The following TMEFF2 variants were observed in gnomAD, a reference collection of about 807,000 sequenced individuals.
The protein encoded by TMEFF2 is tomoregulin-2.
TMEFF2 carries 28 observed loss-of-function variants against 53.8 expected under a neutral mutation model. That is an observed-to-expected ratio of 0.52 (90% CI 0.39 to 0.71). TMEFF2 has a LOEUF of 0.71. Ranked by LOEUF, TMEFF2 falls within the 30% of genes least tolerant of loss-of-function variation. The pLI, the probability that TMEFF2 is intolerant of heterozygous loss-of-function variation, is 0.00. For missense variants in TMEFF2, 353 were observed against 455.2 expected, an observed-to-expected ratio of 0.78 and a Z score of 2.04; for synonymous variants, 162 against 166.3, an observed-to-expected ratio of 0.97 and a Z score of 0.20.
chr2:192,087,344 G>C (rs893020269), intron 4 of TMEFF2, among the ~76,000 whole-genome samples: 6 of 152,062 alleles, frequency 3.9e-5, no homozygotes, highest in African/African-American at 1.4e-4. Context: ...AAGTTGGAGG[G>C]AAGACAACAT....
intron 5 of TMEFF2, among the ~76,000 whole-genome samples, chr2:192,037,626 G>GAAAGA (rs1559096876): frequency 1.3e-5 from 1 of 74,938 alleles, no homozygotes; most frequent in Admixed American, 1.8e-4. Flanking sequence ...AAGAGAGAGA[G>GAAAGA]GAGAGAAAGA....
intron 4 of TMEFF2, among the ~76,000 whole-genome samples, chr2:192,139,497 G>A (rs913899867): frequency 1.3e-5 from 2 of 152,138 alleles, no homozygotes; most frequent in Non-Finnish European, 2.9e-5. Flanking sequence ...ACATTTGAAA[G>A]GTGAAACAAA....
intron 4 of TMEFF2, among the ~76,000 whole-genome samples, chr2:192,132,442 C>G (rs1210622266): frequency 9.9e-5 from 15 of 152,102 alleles, no homozygotes; most frequent in Middle Eastern, 3.4e-3. Context: ...ATCTCATTCT[C>G]AATATACATT....
At chr2:192,166,185 C>T (rs577402744) in intron 4 of TMEFF2, among the ~76,000 whole-genome samples, 39 of 152,120 alleles carry the variant, frequency 2.6e-4, no homozygotes, top group Non-Finnish European at 5.4e-4. Context: ...TCTCCCTTTC[C>T]AAGCATTGAC....
At chr2:192,092,541 C>A (rs1688813822) in intron 4 of TMEFF2, among the ~76,000 whole-genome samples, 1 of 151,996 alleles carries the variant, frequency 6.6e-6, no homozygotes, top group Non-Finnish European at 1.5e-5. Flanking sequence ...TTGTATTGAA[C>A]GCTATAGTAG....
intron 5 of TMEFF2, among the ~76,000 whole-genome samples, chr2:192,001,383 T>C (rs1559079557): frequency 6.6e-6 from 1 of 152,086 alleles, no homozygotes; most frequent in South Asian, 2.1e-4. Flanking sequence ...TTTATGTTTT[T>C]GTAAATGTTT....
rs1355696036 is a variant in TMEFF2, at chr2:192,194,178, C to T, written c.172+175G>A. Among the ~76,000 whole-genome samples, 1 of 152,168 alleles carries T rather than the reference C, an allele frequency of 6.6e-6. No individual in the cohort carries two copies. Among genetic ancestry groups the T allele is most frequent in the Admixed American group, 6.5e-5 (1 of 15,276 alleles). ...CTGCCCATCCCAGAACCACCCCTCA[C>T]CCCCGGGCCTGCAACAGTTCCCCTT... On this transcript the variant is annotated intron_variant, in intron 1 of 9. Coordinates refer to ENST00000272771, the MANE Select transcript of TMEFF2 (RefSeq NM_016192.4). The surrounding 1 kb of genome is among the most constrained non-coding windows in gnomAD (Gnocchi z 4.2).
chr2:191,983,238 T>C (rs1685896992), intron 7 of TMEFF2, among the ~76,000 whole-genome samples: 1 of 152,180 alleles, frequency 6.6e-6, no homozygotes, highest in South Asian at 2.1e-4. Flanking sequence ...AGTGGAAGGA[T>C]GTTTGCACAT....
At chr2:192,118,859 T>A (rs1230288419) in intron 4 of TMEFF2, among the ~76,000 whole-genome samples, 1 of 152,196 alleles carries the variant, frequency 6.6e-6, no homozygotes, top group Non-Finnish European at 1.5e-5. Context: ...CAGAAAGTAA[T>A]TCACATACAT....
intron 7 of TMEFF2, among the ~76,000 whole-genome samples, chr2:191,996,705 T>G (rs529690513): frequency 1.1e-4 from 16 of 152,092 alleles, no homozygotes; most frequent in African/African-American, 3.4e-4. Context: ...CATAATTTTA[T>G]TAGGTATGAT....
At chr2:192,192,599 AC>A (rs1322929400) in intron 1 of TMEFF2, among the ~76,000 whole-genome samples, 2 of 152,164 alleles carry the variant, frequency 1.3e-5, no homozygotes, top group African/African-American at 4.8e-5. Context: ...GTTCTTGACA[AC>A]CTATCTGCAA....
chr2:192,067,133 G>C (rs572489064), intron 4 of TMEFF2, among the ~76,000 whole-genome samples: 12 of 151,876 alleles, frequency 7.9e-5, no homozygotes, highest in Admixed American at 1.3e-4. Flanking sequence ...ATCATTACTT[G>C]GATAAAAATG....
chr2:192,143,381 C>T (rs1264314268), intron 4 of TMEFF2, among the ~76,000 whole-genome samples: 1 of 152,080 alleles, frequency 6.6e-6, no homozygotes, highest in Non-Finnish European at 1.5e-5. Flanking sequence ...CGGGCTATTG[C>T]ATCCTCTTTG....
At chr2:192,052,744 A>G (rs554982943) in intron 5 of TMEFF2, among the ~76,000 whole-genome samples, 8 of 152,280 alleles carry the variant, frequency 5.3e-5, no homozygotes, top group African/African-American at 1.9e-4. Flanking sequence ...AAGAGAAATG[A>G]TATTTTAATC....
chr2:192,004,610 G>A (rs559975679), intron 5 of TMEFF2, among the ~76,000 whole-genome samples: 10 of 152,082 alleles, frequency 6.6e-5, no homozygotes, highest in South Asian at 4.2e-4. Context: ...GTGAGACCCC[G>A]TCTCTAAATA....
intron 5 of TMEFF2, among the ~76,000 whole-genome samples, chr2:192,042,288 T>C (rs1687504618): frequency 6.6e-6 from 1 of 152,110 alleles, no homozygotes; most frequent in Non-Finnish European, 1.5e-5. Context: ...AAATATGACA[T>C]AGAGACATGA....
intron 7 of TMEFF2, among the ~76,000 whole-genome samples, chr2:191,984,063 T>C (rs916802021): frequency 2.0e-5 from 3 of 152,220 alleles, no homozygotes; most frequent in African/African-American, 7.2e-5. Context: ...GAAAATATTA[T>C]GTTAATTAAA....
At position 191,975,673 on chromosome 2, in the gene TMEFF2, G is replaced by GT. The variant is rs1685705023; in HGVS notation, c.746-19296dup. On this transcript the variant is annotated intron_variant, in intron 7 of 9. Transcript: ENST00000272771. Reference sequence around the variant, plus strand: ...TACTGTGTCCTGGCTGTGGCTAGCAGTGACAAGACTGTCTTTTGAGGGCGC... The same window carrying GT: ...TACTGTGTCCTGGCTGTGGCTAGCAGTTGACAAGACTGTCTTTTGAGGGCGC... 2.0e-5 allele frequency among the ~76,000 whole-genome samples: 3 copies of GT among 152,234 alleles called. No homozygotes were observed. In the South Asian group the frequency reaches 6.2e-4, roughly 32 times the overall value.
chr2:192,116,722 T>G lies in TMEFF2; in HGVS notation c.440-58947A>C, dbSNP rs970643324. ...AAAAAGTATTCTCTGAGAGCTGGTCTGAATCTTTGTGAGATGTGAGACCTA... is the reference window on the plus strand; with the variant it reads ...AAAAAGTATTCTCTGAGAGCTGGTCGGAATCTTTGTGAGATGTGAGACCTA... On this transcript the variant is annotated intron_variant, in intron 4 of 9. Coordinates refer to ENST00000272771, the MANE Select transcript of TMEFF2 (RefSeq NM_016192.4). 7.2e-5 allele frequency among the ~76,000 whole-genome samples: 11 copies of G among 152,234 alleles called. No homozygotes were observed. The South Asian group carries it at 2.1e-3, about 29-fold the overall frequency.
Sources: gnomAD v4.1 joint callset for allele counts (sites outside exome capture counted in the v4.1 genomes callset) on GRCh38, gnomAD v4.1.1 for gene constraint, Gnocchi (gnomAD v3.1) non-coding constraint, MANE v1.5 for transcripts, NCBI Gene and HGNC (gene_info 2026-07-23, HGNC 2026-07-21) for gene names.